NUP153: variants seen among roughly 807,000 people sequenced by gnomAD.
NUP153 encodes nuclear pore complex protein Nup153.
In NUP153, 27 loss-of-function variants were observed where a neutral mutation model predicts 134.6. The observed-to-expected ratio is 0.20, with a 90% CI of 0.15 to 0.28. The LOEUF is 0.28. Among genes scored for constraint, NUP153 ranks in the 10% least tolerant of loss-of-function variants. NUP153 has a pLI of 1.00. For missense variants in NUP153, 1,821 were observed against 1,731.3 expected (o/e 1.05, Z -0.92); for synonymous variants, 640 against 623.5 (o/e 1.03, Z -0.40).
At chr6:17,645,972 G>A in intron 14 of NUP153, 95 bp downstream of exon 14, 1 of 483,970 alleles carries the variant, frequency 2.1e-6, no homozygotes, top group Non-Finnish European at 3.7e-6. Context: ...CCAAATGAAG[G>A]CATTTATAAG....
chr6:17,692,774 C>T (rs558929774), intron 1 of NUP153, among the ~76,000 whole-genome samples: 26 of 152,248 alleles, frequency 1.7e-4, no homozygotes, highest in Admixed American at 1.5e-3. Context: ...GGATAATCTC[C>T]AGAGGTAGGT....
intron 11 of NUP153, among the ~76,000 whole-genome samples, chr6:17,659,518 G>C (rs1317618149): frequency 6.6e-6 from 1 of 152,142 alleles, no homozygotes; most frequent in African/African-American, 2.4e-5. Context: ...CTGTTGCCAG[G>C]CTGGAGTACA....
At chr6:17,702,186 T>C (rs1232398398) in intron 1 of NUP153, among the ~76,000 whole-genome samples, 1 of 152,156 alleles carries the variant, frequency 6.6e-6, no homozygotes, top group Non-Finnish European at 1.5e-5. Context: ...TTCTCTTCAG[T>C]TACCTATTCA....
chr6:17,628,625 T>TA lies in NUP153; in HGVS notation c.3544+29dup, dbSNP rs1765068242. The stretch of plus-strand genomic sequence containing the variant: ...CGACAACTTGTAAAAAAAAAAATAA[T>TA]AATAATAATAATAAAAAGTTAATAC... On this transcript the variant is annotated intron_variant, in intron 18 of 21. Coordinates refer to ENST00000262077, the MANE Select transcript of NUP153 (RefSeq NM_005124.4). This position sits in a 1 kb window ranked among gnomAD's most constrained non-coding sequence, Gnocchi z 5.4. 7.7e-6 allele frequency: 9 copies of TA among 1,163,536 alleles called. No individual in the cohort carries two copies. The highest frequency in any genetic ancestry group is 8.7e-6 in the Non-Finnish European group (8 of 920,586). The allele number at this position is 1,163,536 out of a possible 1,614,324, so 72.1% of individuals were successfully genotyped here.
intron 2 of NUP153, among the ~76,000 whole-genome samples, chr6:17,677,546 A>T (rs1299636731): frequency 1.3e-5 from 2 of 152,130 alleles, no homozygotes; most frequent in Non-Finnish European, 2.9e-5. Flanking sequence ...AAGAGCCCTT[A>T]AAATTATTTT....
chr6:17,699,424 A>C (rs1338222337), intron 1 of NUP153, among the ~76,000 whole-genome samples: 2 of 150,656 alleles, frequency 1.3e-5, no homozygotes, highest in Admixed American at 6.7e-5. Context: ...CGGAGGTTGC[A>C]GTGAGCCGAA....
chr6:17,635,638 A>G lies in NUP153; in HGVS notation c.2464+1515T>C, dbSNP rs774810622. Among the ~76,000 whole-genome samples, 220 of 152,108 alleles carry G rather than the reference A, an allele frequency of 1.4e-3. 1 individual carries two copies. Among genetic ancestry groups the G allele is most frequent in the Non-Finnish European group, 2.6e-3 (175 of 67,958 alleles). ...GCTGGTCTTAAACTGGGTTCAAGCA[A>G]TATACCCGCCTTGGCTTCTCCCAGT... On this transcript the variant is annotated intron_variant, in intron 16 of 21. Transcript: ENST00000262077.
intron 2 of NUP153, among the ~76,000 whole-genome samples, chr6:17,676,793 A>G (rs1416684371): frequency 6.6e-6 from 1 of 152,178 alleles, no homozygotes; most frequent in East Asian, 1.9e-4. Flanking sequence ...ACAGAGCGGG[A>G]AGAAATCAGA....
intron 17 of NUP153, among the ~76,000 whole-genome samples, chr6:17,630,238 G>T (rs897666750): frequency 6.6e-6 from 1 of 152,176 alleles, no homozygotes; most frequent in Admixed American, 6.6e-5. Context: ...ATGGAGAGAA[G>T]AGATTGAACC....
chr6:17,636,758 C>T (rs542667723), intron 16 of NUP153, among the ~76,000 whole-genome samples: 102 of 152,280 alleles, frequency 6.7e-4, no homozygotes, highest in South Asian at 5.8e-3. Context: ...CTATAGTCTA[C>T]CCCCTAAAGA....
chr6:17,664,258 T>C (rs556607904), intron 9 of NUP153, among the ~76,000 whole-genome samples: 1 of 152,230 alleles, frequency 6.6e-6, no homozygotes, highest in South Asian at 2.1e-4. Flanking sequence ...TGTTCTAAAA[T>C]TTACCATTAT....
chr6:17,645,242 CAAA>C (rs1010515280), intron 14 of NUP153, among the ~76,000 whole-genome samples: 7 of 68,794 alleles, frequency 1.0e-4, no homozygotes, highest in Admixed American at 1.7e-4. Flanking sequence ...GACTCTGTCT[CAAA>C]AAAAAAAAAA....
Position 17,657,519 on chromosome 6 carries a change from G to A in NUP153, c.1395+4134C>T, listed in dbSNP as rs116612749. On this transcript the variant is annotated intron_variant, in intron 11 of 21. Coordinates refer to ENST00000262077, the MANE Select transcript of NUP153 (RefSeq NM_005124.4). The stretch of plus-strand genomic sequence containing the variant: ...GTGGAGGGTGCCATGAGCCAAGATC[G>A]TGCACTCCAGCCTGGGCAACAAATA... Among the ~76,000 whole-genome samples, 783 of 152,084 alleles carry A rather than the reference G, an allele frequency of 5.1e-3. 8 individuals carry two copies. Among genetic ancestry groups the A allele is most frequent in the African/African-American group, 0.018 (760 of 41,482 alleles).
At chr6:17,647,118 G>A (rs143235890) in intron 13 of NUP153, among the ~76,000 whole-genome samples, 1 of 152,190 alleles carries the variant, frequency 6.6e-6, no homozygotes, top group Non-Finnish European at 1.5e-5. Context: ...ATTTCAGCAT[G>A]TGGCAAGGAA....
intron 2 of NUP153, among the ~76,000 whole-genome samples, chr6:17,677,849 C>CT (rs1768318619): frequency 6.6e-6 from 1 of 151,020 alleles, no homozygotes; most frequent in Non-Finnish European, 1.5e-5. Flanking sequence ...AAATGGGATC[C>CT]TTTCTTCTTT....
At chr6:17,627,328 T>C (rs970228785) in intron 18 of NUP153, among the ~76,000 whole-genome samples, 4 of 152,242 alleles carry the variant, frequency 2.6e-5, no homozygotes, top group Admixed American at 6.5e-5. Context: ...AGTAAATATA[T>C]AACAGACAAA....
At chr6:17,632,494 C>A (rs1032201845) in intron 17 of NUP153, among the ~76,000 whole-genome samples, 156 bp downstream of exon 17, 5 of 152,046 alleles carry the variant, frequency 3.3e-5, no homozygotes, top group African/African-American at 1.2e-4. Context: ...TATTCAGAAA[C>A]AGATATAACT....
At chr6:17,669,091 T>G in intron 7 of NUP153, 63 bp from the exon 8 acceptor site, 1 of 1,293,232 alleles carries the variant, frequency 7.7e-7, no homozygotes, top group Non-Finnish European at 1.1e-6. Flanking sequence ...CTTTTTTTTT[T>G]TTTTTGAGAT....
chr6:17,635,881 T>C (rs1374507691), intron 16 of NUP153, among the ~76,000 whole-genome samples: 1 of 152,244 alleles, frequency 6.6e-6, no homozygotes, highest in Non-Finnish European at 1.5e-5. Context: ...TTAATACATA[T>C]GTGAGCTTCC....
Sources: allele counts gnomAD v4.1 joint callset (sites outside exome capture counted in the v4.1 genomes callset), GRCh38; gene constraint gnomAD v4.1.1; non-coding constraint Gnocchi (gnomAD v3.1); transcripts MANE v1.5; gene names NCBI Gene and HGNC (gene_info 2026-07-23, HGNC 2026-07-21).